MUC12: variants seen among roughly 807,000 people sequenced by gnomAD.
The protein encoded by MUC12 is mucin 12, cell surface associated.
Under a neutral mutation model 230.8 loss-of-function variants are expected in MUC12, and 172 were observed. The ratio of observed to expected loss-of-function variants is 0.75; its 90% CI spans 0.66 to 0.85. MUC12 has a LOEUF of 0.85. Ranked by LOEUF, MUC12 falls within the 40% of genes least tolerant of loss-of-function variation. The probability of loss-of-function intolerance (pLI) is 0.00; values close to 1 mark genes in which losing one functional copy is unlikely to be tolerated. For synonymous variants in MUC12, 1,259 were observed against 2,401.9 expected (o/e 0.52, Z 13.91); for missense variants, 3,506 against 5,920.6 (o/e 0.59, Z 13.38).
At position 101,004,848 on chromosome 7, in the gene MUC12, T is replaced by C; in HGVS notation, c.14285T>C (p.Ile4762Thr). ...CCTGCCAGCATGACAAGCTCCAGCATCAGTGGAGAACCCACCAGCTTGTAT... is the reference window on the plus strand; with the variant it reads ...CCTGCCAGCATGACAAGCTCCAGCACCAGTGGAGAACCCACCAGCTTGTAT... The part of the protein sequence containing the change: ...LSPASMTSSS[I>T]SGEPTSLYSQ... Residue 4762 changes from isoleucine (I) to threonine (T), a missense_variant, in exon 2 of 12, where the codon ATC becomes ACC. Transcript: ENST00000536621. 2.0e-6 allele frequency: 3 copies of C among 1,537,158 alleles called. No individual in the cohort carries two copies. The highest frequency in any genetic ancestry group is 2.6e-6 in the Non-Finnish European group (3 of 1,146,518).
rs1254756489 is a variant in MUC12, at chr7:100,995,593, C to T, written c.5030C>T (p.Ala1677Val). ...TGSPHTTLSP[A>V]GSTTRQGEST... ...TCGCCACACACAACACTGTCCCCTG[C>T]CGGCTCTACAACACGTCAGGGAGAA... Residue 1677 changes from alanine (A) to valine (V), a missense_variant, in exon 2 of 12, where the codon GCC becomes GTC. Coordinates refer to ENST00000536621, the MANE Select transcript of MUC12 (RefSeq NM_001164462.2). The T allele has an allele frequency of 8.5e-6, 13 of 1,536,862 alleles. No individual in the cohort carries two copies. Among genetic ancestry groups the T allele is most frequent in the Admixed American group, 3.9e-5 (2 of 50,942 alleles).
chr7:101,017,755 ACTCCCTTCTCCCCCTGGG>A lies in MUC12; in HGVS notation c.15966+93_15966+110del. On this transcript the variant is annotated intron_variant, in intron 11 of 11. Transcript: ENST00000536621. ...CCCGGGACTCCCTTCTCCCCCTGGGACTCCCTTCTCCCCCTGGGACTCCCTCCCTTCCCCCTGGGACCC... is the reference window on the plus strand; with the variant it reads ...CCCGGGACTCCCTTCTCCCCCTGGGAACTCCCTCCCTTCCCCCTGGGACCC... The A allele has an allele frequency of 3.9e-6, 3 of 761,216 alleles. No homozygotes were observed. In the East Asian group the frequency reaches 1.0e-4, roughly 26 times the overall value. The allele number at this position is 761,216 out of a possible 1,614,324, so 47.2% of individuals were successfully genotyped here.
chr7:100,972,020 C>T, intron 1 of MUC12: 1 of 701,544 alleles, frequency 1.4e-6, no homozygotes, highest in Non-Finnish European at 2.6e-6. Flanking sequence ...ATGGCCAGTG[C>T]AGAGAGCAGA....
rs552869066 is a variant in MUC12, at chr7:101,015,677, C to T, written c.15863C>T (p.Thr5288Met). The T allele has an allele frequency of 7.3e-5, 113 of 1,537,496 alleles. No individual in the cohort carries two copies. The highest frequency in any genetic ancestry group is 5.0e-4 in the Middle Eastern group (3 of 5,988). ...KEGTPGIFQKTAIWEDQNLRE... is the reference protein window; with the variant it reads ...KEGTPGIFQKMAIWEDQNLRE... Reference sequence around the variant, plus strand: ...GGCACCCCTGGCATCTTCCAGAAGACGGCCATCTGGGAAGGTACCTCTAGT... The same window carrying T: ...GGCACCCCTGGCATCTTCCAGAAGATGGCCATCTGGGAAGGTACCTCTAGT... Residue 5288 changes from threonine to methionine, a missense_variant, in exon 10 of 12, where the codon ACG (threonine) becomes ATG (methionine). Physicochemically the swap from Thr to Met is moderately conservative, Grantham distance 81. Coordinates refer to ENST00000536621, the MANE Select transcript of MUC12 (RefSeq NM_001164462.2).
chr7:101,015,981 G>A (rs1440607215), intron 10 of MUC12, among the ~76,000 whole-genome samples: 1 of 152,164 alleles, frequency 6.6e-6, no homozygotes, highest in Non-Finnish European at 1.5e-5. Context: ...CAGGGCAGAG[G>A]GAGCAGAGGG....
chr7:100,975,283 C>A (rs1341114955), intron 1 of MUC12, among the ~76,000 whole-genome samples: 1 of 152,304 alleles, frequency 6.6e-6, no homozygotes, highest in Non-Finnish European at 1.5e-5. Flanking sequence ...GGGAGAGGGA[C>A]CAACTGTCTG....
chr7:100,977,201 G>C (rs1793046250), intron 1 of MUC12, among the ~76,000 whole-genome samples: 1 of 151,850 alleles, frequency 6.6e-6, no homozygotes, highest in African/African-American at 2.4e-5. Flanking sequence ...CTGTGTGTAT[G>C]TGTTCCCTAG....
At position 100,980,352 on chromosome 7, in the gene MUC12, C is replaced by A. The variant is rs889309712; in HGVS notation, c.68-10279C>A. 2.6e-5 allele frequency among the ~76,000 whole-genome samples: 4 copies of A among 152,042 alleles called. No homozygotes were observed. In the South Asian group the frequency reaches 6.2e-4, roughly 24 times the overall value. On this transcript the variant is annotated intron_variant, in intron 1 of 11. Transcript: ENST00000536621. ...CCACCATGCCCAGCCTGAAGAAATA[C>A]CCCCTTAACCTTAACATTCAGATAA...
chr7:101,006,365 G>A (rs759351757), intron 2 of MUC12, 106 bp from the exon 3 acceptor site: 52 of 746,932 alleles, frequency 7.0e-5, no homozygotes, highest in Middle Eastern at 4.7e-4. Flanking sequence ...ATCTGGCATC[G>A]TCCTGCTCTC....
chr7:101,004,683 G>C lies in MUC12; in HGVS notation c.14120G>C (p.Arg4707Pro). The change falls in exon 2 of 12, where the codon CGC becomes CCC. Residue 4707 changes from arginine to proline, a missense_variant. Arg to Pro is a moderately radical substitution (Grantham distance 103). Coordinates refer to ENST00000536621, the MANE Select transcript of MUC12 (RefSeq NM_001164462.2). ...PLPAHFTTSG[R>P]IAESTTFYIS... ...CCTGCCCATTTTACTACCTCAGGCC[G>C]CATTGCAGAATCTACCACCTTCTAT... is the stretch of plus-strand genomic sequence containing the variant. 1 of 1,537,600 alleles carries C rather than the reference G, an allele frequency of 6.5e-7. No homozygotes were observed. Among genetic ancestry groups the C allele is most frequent in the Non-Finnish European group, 8.7e-7 (1 of 1,146,982 alleles).
At chr7:100,971,114 C>T (rs1792874923) in intron 1 of MUC12, among the ~76,000 whole-genome samples, 1 of 144,580 alleles carries the variant, frequency 6.9e-6, no homozygotes, top group Admixed American at 7.0e-5. Context: ...CGAGATTGCA[C>T]TGCTGCACTC....
intron 1 of MUC12, among the ~76,000 whole-genome samples, chr7:100,982,445 T>TTTTC (rs1793123775): frequency 6.6e-6 from 1 of 151,758 alleles, no homozygotes; most frequent in African/African-American, 2.4e-5. Flanking sequence ...CTTTTCTTTT[T>TTTTC]TTTTTTTTAG....
intron 5 of MUC12, among the ~76,000 whole-genome samples, chr7:101,011,216 G>T (rs1383703739): frequency 2.0e-5 from 3 of 152,118 alleles, no homozygotes; most frequent in African/African-American, 7.2e-5. Flanking sequence ...GGGTCCCGGT[G>T]CCCCAACCTT....
At chr7:101,009,475 C>G (rs1410501747) in intron 5 of MUC12, among the ~76,000 whole-genome samples, 1 of 152,172 alleles carries the variant, frequency 6.6e-6, no homozygotes, top group Non-Finnish European at 1.5e-5. Flanking sequence ...AAGGGGCACA[C>G]AGGGTGCCCT....
Position 100,995,955 on chromosome 7 carries a change from A to G in MUC12, c.5392A>G (p.Arg1798Gly), listed in dbSNP as rs1360197719. 2 of 948,054 alleles carry G rather than the reference A, an allele frequency of 2.1e-6. No homozygotes were observed. Among genetic ancestry groups the G allele is most frequent in the African/African-American group, 2.3e-5 (1 of 43,162 alleles). 58.7% of individuals were successfully genotyped at this position (948,054 alleles called of 1,614,324 possible). ...STASGRSEES[R>G]TSHSSTTHTI... ...AGCTTCAGGTCGTAGTGAAGAATCA[A>G]GAACTTCCCACAGCAGCACAACACA... The change falls in exon 2 of 12, where the codon AGA becomes GGA. Residue 1798 changes from arginine (R) to glycine (G), a missense_variant. By Grantham distance (125) the Arg-to-Gly change is moderately radical. Coordinates refer to ENST00000536621, the MANE Select transcript of MUC12 (RefSeq NM_001164462.2).
Position 101,004,753 on chromosome 7 carries a change from A to G in MUC12, c.14190A>G (p.Thr4730=), listed in dbSNP as rs886438548. ...AAACAACATTAGCCAGCACTGCCAC[A>G]ACACCAGGCCTCAGTGCAAAATCTA... ...SMETTLASTA[T]TPGLSAKSTI... The change falls in exon 2 of 12, where the codon ACA becomes ACG. Residue 4730 remains threonine (T), a synonymous_variant. Transcript: ENST00000536621. 4 of 1,536,732 alleles carry G rather than the reference A, an allele frequency of 2.6e-6. No individual in the cohort carries two copies. Among genetic ancestry groups the G allele is most frequent in the Admixed American group, 3.9e-5 (2 of 50,964 alleles).
intron 1 of MUC12, chr7:100,972,921 G>C (rs767507770): frequency 2.3e-5 from 16 of 702,958 alleles, no homozygotes; most frequent in Non-Finnish European, 3.1e-5. Flanking sequence ...AGAGCACTCT[G>C]AGAAGGCAGA....
At chr7:101,013,679 G>A (rs1431133956) in intron 8 of MUC12, among the ~76,000 whole-genome samples, 2 of 152,158 alleles carry the variant, frequency 1.3e-5, no homozygotes, top group African/African-American at 4.8e-5. Flanking sequence ...AACACTCTCA[G>A]GTCCCCTTGA....
Position 100,969,619 on chromosome 7 carries a change from G to A in MUC12, c.-4G>A, listed in dbSNP as rs1056647704. 6.5e-7 allele frequency: 1 copy of A among 1,537,428 alleles called. No homozygotes were observed. Among genetic ancestry groups the A allele is most frequent in the Non-Finnish European group, 8.7e-7 (1 of 1,146,946 alleles). On this transcript the variant is annotated 5_prime_UTR_variant, in exon 1 of 12. Coordinates refer to ENST00000536621, the MANE Select transcript of MUC12 (RefSeq NM_001164462.2). The stretch of plus-strand genomic sequence containing the variant: ...TGGGCAGCCAGGGGCCCGTTCCCCG[G>A]GAGATGCTGGTGATCTGGATTCTGA...
Sources: gnomAD v4.1 joint callset for allele counts (sites outside exome capture counted in the v4.1 genomes callset) on GRCh38, gnomAD v4.1.1 for gene constraint, MANE v1.5 for transcripts, NCBI Gene and HGNC (gene_info 2026-07-23, HGNC 2026-07-21) for gene names.